TAX1BP1: variants seen among roughly 807,000 people sequenced by gnomAD.
The protein encoded by TAX1BP1 is tax1-binding protein 1.
TAX1BP1 carries 62 observed loss-of-function variants against 97.7 expected under a neutral mutation model. The ratio of observed to expected loss-of-function variants is 0.63; its 90% CI spans 0.52 to 0.78. The LOEUF (loss-of-function observed/expected upper bound fraction) is 0.78. Among genes scored for constraint, TAX1BP1 ranks in the 30% least tolerant of loss-of-function variants. The probability of loss-of-function intolerance (pLI) is 0.00; values close to 1 mark genes in which losing one functional copy is unlikely to be tolerated. For missense variants in TAX1BP1, 867 were observed against 916.1 expected (o/e 0.95, Z 0.69); for synonymous variants, 340 against 304.2 (o/e 1.12, Z -1.23).
intron 5 of TAX1BP1, chr7:27,772,034 T>C (rs1274268835): frequency 1.3e-5 from 2 of 152,054 alleles, no homozygotes; most frequent in African/African-American, 2.4e-5. Flanking sequence ...ATACATAATG[T>C]AACCAAAAAA....
intron 4 of TAX1BP1, among the ~76,000 whole-genome samples, chr7:27,769,353 A>G (rs1788759089): frequency 6.6e-6 from 1 of 151,972 alleles, no homozygotes; most frequent in South Asian, 2.1e-4. Context: ...GTGGATAAGA[A>G]AGCCCTGTAA....
At position 27,828,609 on chromosome 7, in the gene TAX1BP1, TTTCA is replaced by T. The variant is rs1404966060; in HGVS notation, c.2169-16_2169-13del. ...TACATTTATTAGAAACATGTAATTC[TTTCA>T]TTTTTCTCTTTAAGCTTTGATGTTC... On this transcript the variant is annotated splice_polypyrimidine_tract_variant and intron_variant, in intron 16 of 16. Coordinates refer to ENST00000396319, the MANE Select transcript of TAX1BP1 (RefSeq NM_006024.7). The T allele has an allele frequency of 6.2e-7, 1 of 1,610,276 alleles. No individual in the cohort carries two copies. Among genetic ancestry groups the T allele is most frequent in the African/African-American group, 1.3e-5 (1 of 74,880 alleles).
At chr7:27,742,727 A>G (rs1787669869) in intron 1 of TAX1BP1, among the ~76,000 whole-genome samples, 1 of 152,170 alleles carries the variant, frequency 6.6e-6, no homozygotes, top group Non-Finnish European at 1.5e-5. Flanking sequence ...CGGCCTTCCA[A>G]AGTGCTGGGA....
intron 13 of TAX1BP1, among the ~76,000 whole-genome samples, chr7:27,801,368 CACATT>C (rs1170593881): frequency 6.6e-6 from 1 of 151,848 alleles, no homozygotes; most frequent in Admixed American, 6.6e-5. Context: ...GGAGATGTAG[CACATT>C]ACAGGCTAAG....
At chr7:27,755,603 A>G (rs1583671034) in intron 2 of TAX1BP1, among the ~76,000 whole-genome samples, 1 of 152,334 alleles carries the variant, frequency 6.6e-6, no homozygotes, top group East Asian at 1.9e-4. Flanking sequence ...TCCTATTTAA[A>G]AGGAACACTT....
intron 5 of TAX1BP1, among the ~76,000 whole-genome samples, chr7:27,773,789 A>T (rs930426730): frequency 1.3e-5 from 2 of 152,076 alleles, no homozygotes; most frequent in African/African-American, 4.8e-5. Flanking sequence ...GGAAATTGAA[A>T]GAGTTAAAAC....
intron 4 of TAX1BP1, among the ~76,000 whole-genome samples, chr7:27,768,607 G>C (rs888209680): frequency 1.3e-5 from 2 of 151,916 alleles, no homozygotes; most frequent in Non-Finnish European, 2.9e-5. Context: ...CTTTATGGGT[G>C]ATATACTTGC....
rs774961576 is a variant in TAX1BP1, at chr7:27,787,579, T to C, written c.1014T>C (p.Thr338=). 8 of 1,610,774 alleles carry C rather than the reference T, an allele frequency of 5.0e-6. No individual in the cohort carries two copies. In the African/African-American group the frequency reaches 1.1e-4, roughly 22 times the overall value. Reference sequence around the variant, plus strand: ...CTGAAAAGGAAAATCTGCAAAGAACTTTCCTGCTTACAACCTCAAGTAAAG... The same window carrying C: ...CTGAAAAGGAAAATCTGCAAAGAACCTTCCTGCTTACAACCTCAAGTAAAG... ...CLAEKENLQR[T]FLLTTSSKED... Residue 338 remains threonine, a synonymous_variant, in exon 8 of 17, where the codon ACT becomes ACC. Transcript: ENST00000396319.
At chr7:27,779,365 T>C (rs1015021236) in intron 5 of TAX1BP1, among the ~76,000 whole-genome samples, 8 of 152,184 alleles carry the variant, frequency 5.3e-5, no homozygotes, top group Admixed American at 4.6e-4. Context: ...TTTGAGATCC[T>C]CTACCATATG....
Position 27,804,085 on chromosome 7 carries a change from G to A in TAX1BP1, c.1764+3995G>A, listed in dbSNP as rs118155798. 2.0e-3 allele frequency among the ~76,000 whole-genome samples: 306 copies of A among 152,304 alleles called. 1 individual carries two copies. The highest frequency in any genetic ancestry group is 0.017 in the East Asian group (89 of 5,180). ...TTTGAAAAACTTGTTATCTTCCAGT[G>A]TAAGCTTGATGCTTTCCAATGTTTA... On this transcript the variant is annotated intron_variant, in intron 13 of 16. Coordinates refer to ENST00000396319, the MANE Select transcript of TAX1BP1 (RefSeq NM_006024.7).
intron 1 of TAX1BP1, among the ~76,000 whole-genome samples, chr7:27,748,157 A>G (rs1787894759): frequency 6.6e-6 from 1 of 152,202 alleles, no homozygotes; most frequent in African/African-American, 2.4e-5. Context: ...GTTTGTTACT[A>G]GGAGCCAGCA....
At chr7:27,749,997 C>T (rs1157499347) in intron 2 of TAX1BP1, among the ~76,000 whole-genome samples, 1 of 152,076 alleles carries the variant, frequency 6.6e-6, no homozygotes, top group Non-Finnish European at 1.5e-5. Context: ...CACTATGTTG[C>T]CTAGGCTGGT....
chr7:27,746,002 A>G (rs1787801107), intron 1 of TAX1BP1, among the ~76,000 whole-genome samples: 1 of 152,140 alleles, frequency 6.6e-6, no homozygotes, highest in Non-Finnish European at 1.5e-5. Context: ...AACTAAAAGT[A>G]TAAGGTTGGA....
At position 27,785,242 on chromosome 7, in the gene TAX1BP1, C is replaced by G. The variant is rs144826085; in HGVS notation, c.692C>G (p.Ala231Gly). The part of the protein sequence containing the change: ...KKRFSDATSK[A>G]HQLEEDIVSV... ...AGGTTCAGTGATGCTACATCCAAAGCCCATCAGCTTGAGGAAGATATTGTG... is the reference window on the plus strand; with the variant it reads ...AGGTTCAGTGATGCTACATCCAAAGGCCATCAGCTTGAGGAAGATATTGTG... Residue 231 changes from alanine (A) to glycine (G), a missense_variant, in exon 6 of 17, where the codon GCC becomes GGC. Coordinates refer to ENST00000396319, the MANE Select transcript of TAX1BP1 (RefSeq NM_006024.7). 6.2e-7 allele frequency: 1 copy of G among 1,613,214 alleles called. No homozygotes were observed. The highest frequency in any genetic ancestry group is 1.3e-5 in the African/African-American group (1 of 74,856).
chr7:27,761,497 C>T (rs1788423913), intron 3 of TAX1BP1, among the ~76,000 whole-genome samples: 1 of 152,182 alleles, frequency 6.6e-6, no homozygotes, highest in African/African-American at 2.4e-5. Flanking sequence ...ATCTCTCCTT[C>T]CCTCCTGGTA....
chr7:27,747,350 C>T (rs4722739), intron 1 of TAX1BP1, among the ~76,000 whole-genome samples: 72,597 of 152,036 alleles, frequency 0.48, 17,393 homozygotes, highest in Non-Finnish European at 0.49. Flanking sequence ...CTGCTTTCAC[C>T]ATTCATCTGC....
intron 5 of TAX1BP1, among the ~76,000 whole-genome samples, chr7:27,779,012 C>T (rs1208685750): frequency 1.3e-5 from 2 of 152,096 alleles, no homozygotes; most frequent in African/African-American, 4.8e-5. Flanking sequence ...CCCCTGTCTC[C>T]AGCCCTAGGT....
chr7:27,757,989 C>A, intron 2 of TAX1BP1, 42 bp from the exon 3 acceptor site: 1 of 1,304,288 alleles, frequency 7.7e-7, no homozygotes, highest in Admixed American at 1.8e-5. Context: ...TAATATTAAA[C>A]TATTTGCTTA....
intron 5 of TAX1BP1, among the ~76,000 whole-genome samples, chr7:27,776,254 A>T (rs1474988881): frequency 6.6e-6 from 1 of 152,112 alleles, no homozygotes; most frequent in Non-Finnish European, 1.5e-5. Context: ...AACCTGGTAA[A>T]ATGCATAGAT....
Sources: allele counts gnomAD v4.1 joint callset (sites outside exome capture counted in the v4.1 genomes callset), GRCh38; gene constraint gnomAD v4.1.1; transcripts MANE v1.5; gene names NCBI Gene and HGNC (gene_info 2026-07-23, HGNC 2026-07-21).